Variants in ADIPOR2 observed in about 807,000 individuals in gnomAD.
The protein encoded by ADIPOR2 is adiponectin receptor 2.
A neutral mutation model predicts 40.9 loss-of-function variants in ADIPOR2; 18 were observed. That is an observed-to-expected ratio of 0.44 (90% confidence interval 0.30 to 0.65). ADIPOR2 has a LOEUF of 0.65. ADIPOR2 is among the 30% of genes least tolerant of loss of function. ADIPOR2 has a pLI of 0.09. For synonymous variants in ADIPOR2, 165 were observed against 166.4 expected (o/e 0.99, Z 0.06); for missense variants, 283 against 479.2 (o/e 0.59, Z 3.82).
At chr12:1,784,184 C>A in intron 7 of ADIPOR2, 111 bp downstream of exon 7, 1 of 1,234,622 alleles carries the variant, frequency 8.1e-7, no homozygotes, top group East Asian at 2.6e-5. Flanking sequence ...AGAGTTGTAT[C>A]CTGGTCCTAA....
chr12:1,734,022 G>C (rs1176375892), intron 1 of ADIPOR2, among the ~76,000 whole-genome samples: 1 of 152,082 alleles, frequency 6.6e-6, no homozygotes, highest in Non-Finnish European at 1.5e-5. Flanking sequence ...TGGACATTTG[G>C]GTTGGTTCCA....
intron 4 of ADIPOR2, 54 bp from the exon 5 acceptor site, chr12:1,780,397 A>ACTGCC: frequency 6.8e-7 from 1 of 1,464,472 alleles, no homozygotes; most frequent in Non-Finnish European, 9.1e-7. Flanking sequence ...CAGTTATAAT[A>ACTGCC]CTGTCTCTTC....
chr12:1,706,845 G>A (rs1436865031), intron 1 of ADIPOR2, among the ~76,000 whole-genome samples: 1 of 152,082 alleles, frequency 6.6e-6, no homozygotes, highest in Non-Finnish European at 1.5e-5. Context: ...ATGTAAGTGG[G>A]CTGGGCAAGG....
intron 1 of ADIPOR2, chr12:1,697,847 T>G (rs2094642404): frequency 6.6e-6 from 1 of 152,400 alleles, no homozygotes; most frequent in Admixed American, 6.5e-5. Flanking sequence ...TGGGTAACAG[T>G]GACCAATCTG....
chr12:1,778,887 A>G (rs1862655892), intron 4 of ADIPOR2, among the ~76,000 whole-genome samples: 1 of 152,232 alleles, frequency 6.6e-6, no homozygotes, highest in Admixed American at 6.5e-5. Flanking sequence ...TCCAGAGAAG[A>G]TCTAAAATGG....
At chr12:1,780,418 T>C (rs747342627) in intron 4 of ADIPOR2, 33 bp from the exon 5 acceptor site, 52 of 1,549,598 alleles carry the variant, frequency 3.4e-5, no homozygotes, top group Non-Finnish European at 4.4e-5. Flanking sequence ...TAAAGGGTGA[T>C]ATTTTATCTA....
chr12:1,781,189 A>G, intron 6 of ADIPOR2, 113 bp downstream of exon 6: 2 of 1,150,852 alleles, frequency 1.7e-6, no homozygotes, highest in Non-Finnish European at 2.4e-6. Flanking sequence ...TGTGATGCCA[A>G]GATGAAGAAA....
intron 1 of ADIPOR2, among the ~76,000 whole-genome samples, chr12:1,733,062 C>T (rs1370351952): frequency 2.6e-5 from 4 of 152,122 alleles, no homozygotes; most frequent in Non-Finnish European, 5.9e-5. Flanking sequence ...AGGTTTGCTG[C>T]AGTTTATTTT....
chr12:1,780,807 G>A, intron 5 of ADIPOR2, 82 bp from the exon 6 acceptor site: 2 of 1,419,492 alleles, frequency 1.4e-6, no homozygotes, highest in South Asian at 1.5e-5. Context: ...GATGGCTTAT[G>A]TCATGAGGGA....
chr12:1,715,674 G>A lies in ADIPOR2; in HGVS notation c.-87+24483G>A, dbSNP rs568829744. On this transcript the variant is annotated intron_variant, in intron 1 of 7. Coordinates refer to ENST00000357103, the MANE Select transcript of ADIPOR2 (RefSeq NM_024551.3). The stretch of plus-strand genomic sequence containing the variant: ...TCGCCCAATTCCTAGCAGCAGTTGG[G>A]GTGTCCTGTTTAGAGGGGGGATTGA... Among the ~76,000 whole-genome samples the A allele has an allele frequency of 8.8e-4, 134 of 152,280 alleles. 2 individuals are homozygous for A. Among genetic ancestry groups the A allele is most frequent in the African/African-American group, 3.1e-3 (130 of 41,526 alleles).
At chr12:1,729,737 C>T (rs2094716039) in intron 1 of ADIPOR2, among the ~76,000 whole-genome samples, 1 of 150,082 alleles carries the variant, frequency 6.7e-6, no homozygotes, top group African/African-American at 2.4e-5. Context: ...CAAAAGCCCT[C>T]TCTTAATCTC....
intron 1 of ADIPOR2, among the ~76,000 whole-genome samples, chr12:1,695,033 G>T (rs71435028): frequency 0.19 from 11,987 of 62,430 alleles, 492 homozygotes; most frequent in East Asian, 0.4. Flanking sequence ...TTTTTGTTTT[G>T]TTTTTTTAAG....
chr12:1,703,906 A>C (rs1446220541), intron 1 of ADIPOR2, among the ~76,000 whole-genome samples: 5 of 151,474 alleles, frequency 3.3e-5, no homozygotes, highest in Non-Finnish European at 7.4e-5. Flanking sequence ...TGAGGACAGG[A>C]TCTCACTATG....
Position 1,717,676 on chromosome 12 carries a change from A to G in ADIPOR2, c.-87+26485A>G, listed in dbSNP as rs183214156. Among the ~76,000 whole-genome samples the G allele has an allele frequency of 2.2e-3, 338 of 152,192 alleles. 1 individual carries two copies. Among genetic ancestry groups the G allele is most frequent in the African/African-American group, 7.6e-3 (316 of 41,534 alleles). Reference sequence around the variant, plus strand: ...GCTGAGATCGTGCCATTGTACTCCAACCTGGGCAATGAGAATGAAATTCCA... The same window carrying G: ...GCTGAGATCGTGCCATTGTACTCCAGCCTGGGCAATGAGAATGAAATTCCA... On this transcript the variant is annotated intron_variant, in intron 1 of 7. Coordinates refer to ENST00000357103, the MANE Select transcript of ADIPOR2 (RefSeq NM_024551.3).
At chr12:1,711,843 A>G (rs900596169) in intron 1 of ADIPOR2, among the ~76,000 whole-genome samples, 1 of 152,140 alleles carries the variant, frequency 6.6e-6, no homozygotes, top group Non-Finnish European at 1.5e-5. Flanking sequence ...ACTGTGTGCA[A>G]TAACTCCGTG....
intron 1 of ADIPOR2, among the ~76,000 whole-genome samples, chr12:1,740,564 C>G (rs2154442896): frequency 6.6e-6 from 1 of 152,330 alleles, no homozygotes; most frequent in East Asian, 1.9e-4. Flanking sequence ...AATACAGTCT[C>G]ATTGTAAAGT....
intron 1 of ADIPOR2, among the ~76,000 whole-genome samples, chr12:1,710,398 G>A (rs1465093089): frequency 1.3e-5 from 2 of 152,052 alleles, no homozygotes; most frequent in South Asian, 2.1e-4. Flanking sequence ...GCGAGACCAC[G>A]AGCCCACTGG....
intron 2 of ADIPOR2, among the ~76,000 whole-genome samples, chr12:1,767,413 A>G (rs1382907271): frequency 6.6e-6 from 1 of 152,144 alleles, no homozygotes; most frequent in East Asian, 1.9e-4. Context: ...GAATATTCAT[A>G]TAGACTAGAT....
chr12:1,704,615 C>A (rs2094658335), intron 1 of ADIPOR2, among the ~76,000 whole-genome samples: 1 of 152,170 alleles, frequency 6.6e-6, no homozygotes, highest in Non-Finnish European at 1.5e-5. Context: ...GCTATTATCA[C>A]ATATACTAAC....
Sources: gnomAD v4.1 joint callset for allele counts (sites outside exome capture counted in the v4.1 genomes callset) on GRCh38, gnomAD v4.1.1 for gene constraint, MANE v1.5 for transcripts, NCBI Gene and HGNC (gene_info 2026-07-23, HGNC 2026-07-21) for gene names.